The following STK39 variants were observed in gnomAD, a reference collection of about 807,000 sequenced individuals.
STK39 encodes serine/threonine kinase 39.
A neutral mutation model predicts 77.8 loss-of-function variants in STK39; 20 were observed. The ratio of observed to expected loss-of-function variants is 0.26; its 90% CI spans 0.18 to 0.37. STK39 has a LOEUF of 0.37. Among genes scored for constraint, STK39 ranks in the 10% least tolerant of loss-of-function variants. STK39 has a pLI of 1.00. For missense variants in STK39, 479 were observed against 656.5 expected (o/e 0.73, Z 2.95); for synonymous variants, 246 against 234.1 (o/e 1.05, Z -0.47).
chr2:168,075,043 A>T (rs751550798), intron 11 of STK39, 32 bp from the exon 12 acceptor site: 2 of 1,613,878 alleles, frequency 1.2e-6, no homozygotes, highest in Admixed American at 1.7e-5. Flanking sequence ...ATTAATATAT[A>T]TACACACACA....
chr2:168,136,123 C>G (rs964720444), intron 8 of STK39, among the ~76,000 whole-genome samples: 5 of 151,800 alleles, frequency 3.3e-5, no homozygotes, highest in Non-Finnish European at 7.4e-5. Flanking sequence ...AATCCCAGCA[C>G]TTTGGGAGGC....
chr2:168,179,595 GAAAAT>G (rs1689034709), intron 2 of STK39, among the ~76,000 whole-genome samples: 1 of 152,098 alleles, frequency 6.6e-6, no homozygotes, highest in Non-Finnish European at 1.5e-5. Context: ...ATTAAGGAAA[GAAAAT>G]AAGAATGAGA....
chr2:168,243,987 C>T (rs1339418170), intron 1 of STK39, among the ~76,000 whole-genome samples: 1 of 152,104 alleles, frequency 6.6e-6, no homozygotes, highest in African/African-American at 2.4e-5. Context: ...GTCGGAAAGC[C>T]TCCAAAAAGA....
At chr2:168,047,308 G>T (rs1201106930) in intron 14 of STK39, among the ~76,000 whole-genome samples, 1 of 152,192 alleles carries the variant, frequency 6.6e-6, no homozygotes, top group African/African-American at 2.4e-5. Context: ...GTTTAAAATG[G>T]TATAGCCATG....
intron 12 of STK39, among the ~76,000 whole-genome samples, chr2:168,070,494 G>A (rs751574182): frequency 2.4e-4 from 36 of 148,528 alleles, no homozygotes; most frequent in Non-Finnish European, 5.0e-4. Context: ...TGTGCACAAC[G>A]TGCAGGTTTG....
At chr2:168,026,377 A>T (rs574667864) in intron 14 of STK39, among the ~76,000 whole-genome samples, 1 of 152,224 alleles carries the variant, frequency 6.6e-6, no homozygotes. Flanking sequence ...TTTACAACTG[A>T]AAGAGGCCTT....
chr2:168,039,022 T>C (rs900739898), intron 14 of STK39, among the ~76,000 whole-genome samples: 10 of 152,118 alleles, frequency 6.6e-5, no homozygotes, highest in African/African-American at 1.7e-4. Context: ...AACCCAGCCA[T>C]TGTACAACTA....
chr2:168,184,762 A>C (rs1216579677), intron 1 of STK39, among the ~76,000 whole-genome samples: 3 of 152,226 alleles, frequency 2.0e-5, no homozygotes, highest in Non-Finnish European at 4.4e-5. Context: ...GAATGTAATA[A>C]GGGTAAAAAC....
intron 16 of STK39, among the ~76,000 whole-genome samples, chr2:167,975,941 C>T (rs1559040851): frequency 6.6e-6 from 1 of 152,208 alleles, no homozygotes; most frequent in African/African-American, 2.4e-5. Flanking sequence ...CAGCTTCATT[C>T]CTCCCTTTGC....
intron 1 of STK39, among the ~76,000 whole-genome samples, chr2:168,213,886 C>G (rs1219289671): frequency 6.6e-6 from 1 of 151,960 alleles, no homozygotes; most frequent in Non-Finnish European, 1.5e-5. Context: ...TTCTGACAAA[C>G]AAAAATTAGA....
intron 1 of STK39, among the ~76,000 whole-genome samples, chr2:168,229,374 G>C (rs1322261768): frequency 1.4e-5 from 2 of 139,674 alleles, no homozygotes; most frequent in East Asian, 4.1e-4. Context: ...GACAGAGCAA[G>C]ACTCTGACTC....
chr2:168,103,802 A>G (rs909557834), intron 10 of STK39, among the ~76,000 whole-genome samples: 13 of 152,208 alleles, frequency 8.5e-5, no homozygotes, highest in African/African-American at 3.1e-4. Flanking sequence ...CTTCTCTTTC[A>G]TAATTACTTA....
intron 10 of STK39, among the ~76,000 whole-genome samples, chr2:168,081,030 G>A (rs1302634896): frequency 6.6e-6 from 1 of 152,200 alleles, no homozygotes; most frequent in East Asian, 1.9e-4. Context: ...CAGGGGTGGG[G>A]CTCTCATGAA....
intron 17 of STK39, chr2:167,964,229 AT>A (rs1298253629): frequency 6.3e-6 from 1 of 158,698 alleles, no homozygotes; most frequent in Non-Finnish European, 1.4e-5. Context: ...TTGTTCTACA[AT>A]TGCTTCCAAT....
intron 1 of STK39, among the ~76,000 whole-genome samples, chr2:168,193,216 C>G (rs1689382480): frequency 6.6e-6 from 1 of 152,166 alleles, no homozygotes; most frequent in Non-Finnish European, 1.5e-5. Context: ...TTTCCTGTCT[C>G]CTCTGACAAC....
chr2:167,956,728 TC>T (rs1235889078), intron 17 of STK39, among the ~76,000 whole-genome samples: 2 of 53,590 alleles, frequency 3.7e-5, no homozygotes, highest in Admixed American at 2.0e-4. Context: ...TCTCTCTCTC[TC>T]CCCCCCCGCC....
chr2:168,091,342 A>G (rs1686518854), intron 10 of STK39, among the ~76,000 whole-genome samples: 1 of 152,082 alleles, frequency 6.6e-6, no homozygotes. Context: ...TCCACAGCTC[A>G]CTCCACCCAA....
At chr2:168,150,890 T>A (rs979634425) in intron 5 of STK39, among the ~76,000 whole-genome samples, 14 of 152,056 alleles carry the variant, frequency 9.2e-5, no homozygotes, top group African/African-American at 3.1e-4. Context: ...AGGAACCATG[T>A]AGAACCAAAG....
intron 10 of STK39, among the ~76,000 whole-genome samples, chr2:168,103,551 A>T (rs577953026): frequency 1.2e-4 from 18 of 152,318 alleles, no homozygotes; most frequent in African/African-American, 4.3e-4. Flanking sequence ...TAATTTGGGG[A>T]AAGAGAAAGA....
Sources: allele counts gnomAD v4.1 joint callset (sites outside exome capture counted in the v4.1 genomes callset), GRCh38; gene constraint gnomAD v4.1.1; transcripts MANE v1.5; gene names NCBI Gene and HGNC (gene_info 2026-07-23, HGNC 2026-07-21).